Variants in EPHA4 observed in about 807,000 individuals in gnomAD.
EPHA4 encodes the protein ephrin type-A receptor 4.
In EPHA4, 19 loss-of-function variants were observed where a neutral mutation model predicts 108.3. The observed-to-expected ratio is 0.18, with a 90% CI of 0.12 to 0.26. The LOEUF (loss-of-function observed/expected upper bound fraction) is 0.26. Ranked by LOEUF, EPHA4 falls within the 10% of genes least tolerant of loss-of-function variation. The pLI is 1.00. For missense variants in EPHA4, 917 were observed against 1,254.0 expected (o/e 0.73, Z 4.06); for synonymous variants, 449 against 455.5 (o/e 0.99, Z 0.18).
intron 3 of EPHA4, among the ~76,000 whole-genome samples, chr2:221,551,690 G>A (rs1031669102): frequency 1.1e-4 from 17 of 152,222 alleles, no homozygotes; most frequent in Admixed American, 8.5e-4. Flanking sequence ...GCTTATTTTA[G>A]TTAAGTACAC....
intron 3 of EPHA4, among the ~76,000 whole-genome samples, chr2:221,537,775 G>A (rs1693712754): frequency 6.6e-6 from 1 of 152,148 alleles, no homozygotes; most frequent in South Asian, 2.1e-4. Context: ...AGGCAATAGA[G>A]TGAGATTCCA....
intron 3 of EPHA4, among the ~76,000 whole-genome samples, chr2:221,544,868 C>T (rs547226330): frequency 3.0e-4 from 45 of 152,254 alleles, no homozygotes; most frequent in African/African-American, 1.0e-3. Context: ...CTCGACTCTA[C>T]CCTAAAGAAA....
chr2:221,442,681 C>A, intron 11 of EPHA4, 148 bp downstream of exon 11: 2 of 765,944 alleles, frequency 2.6e-6, no homozygotes, highest in South Asian at 3.9e-5. Context: ...TTAGAGCTGA[C>A]TACAAGATTA....
At chr2:221,489,791 AAATG>A (rs1692085351) in intron 4 of EPHA4, among the ~76,000 whole-genome samples, 2 of 152,200 alleles carry the variant, frequency 1.3e-5, no homozygotes, top group East Asian at 3.8e-4. Flanking sequence ...CTAAATGAAC[AAATG>A]AATGAATGAT....
At chr2:221,552,811 T>C (rs1694201224) in intron 3 of EPHA4, among the ~76,000 whole-genome samples, 1 of 152,198 alleles carries the variant, frequency 6.6e-6, no homozygotes, top group Admixed American at 6.5e-5. Flanking sequence ...TGATCGAGTA[T>C]TTTAAATGTC....
At chr2:221,529,185 A>G (rs1169347952) in intron 3 of EPHA4, among the ~76,000 whole-genome samples, 2 of 152,178 alleles carry the variant, frequency 1.3e-5, no homozygotes, top group Non-Finnish European at 2.9e-5. Flanking sequence ...GCTTGACATC[A>G]GAAAAAAAAA....
intron 4 of EPHA4, among the ~76,000 whole-genome samples, chr2:221,495,376 G>A (rs1226171655): frequency 6.6e-6 from 1 of 152,198 alleles, no homozygotes; most frequent in African/African-American, 2.4e-5. Context: ...AATCCTTGCT[G>A]CCTAAAGACG....
Position 221,457,883 on chromosome 2 carries a change from C to T in EPHA4, c.1426G>A (p.Val476Ile). The part of the protein sequence containing the change: ...RPNGVILEYE[V>I]KYYEKDQNER... The stretch of plus-strand genomic sequence containing the variant: ...AGTAATACCTTCTCATAATACTTGA[C>T]TTCATATTCCAGGATTACCCCATTG... Residue 476 changes from valine to isoleucine, a missense_variant, in exon 6 of 18, where the codon GTC becomes ATC. Val to Ile is a conservative substitution (Grantham distance 29). Transcript: ENST00000281821. The T allele has an allele frequency of 6.2e-7, 1 of 1,613,610 alleles. No homozygotes were observed. The highest frequency in any genetic ancestry group is 8.5e-7 in the Non-Finnish European group (1 of 1,179,686).
chr2:221,498,017 T>C (rs895912354), intron 4 of EPHA4, among the ~76,000 whole-genome samples: 1 of 152,142 alleles, frequency 6.6e-6, no homozygotes, highest in African/African-American at 2.4e-5. Context: ...AAAATACAAT[T>C]CCAAGGGCTC....
intron 3 of EPHA4, among the ~76,000 whole-genome samples, chr2:221,557,303 A>C (rs181631014): frequency 6.6e-6 from 1 of 151,642 alleles, no homozygotes; most frequent in East Asian, 1.9e-4. Flanking sequence ...CAAACAAAAA[A>C]CTCTCTACTC....
In EPHA4 at chr2:221,482,629, T is replaced by C. The variant is rs772286507; in HGVS notation, c.1041A>G (p.Glu347=). 6.2e-7 allele frequency: 1 copy of C among 1,609,744 alleles called. No individual in the cohort carries two copies. Among genetic ancestry groups the C allele is most frequent in the South Asian group, 1.1e-5 (1 of 91,038 alleles). The change falls in exon 5 of 18, where the codon GAA becomes GAG. Residue 347 remains glutamate (E), a synonymous_variant. Transcript: ENST00000281821. ...CACCTGTATTCTGAGGGCTACTCCA[T>C]TCCAAGTTCACAGATGTCTCGTTGA... ...SNVNETSVNL[E]WSSPQNTGGR... is the part of the protein sequence containing the mutation.
intron 4 of EPHA4, among the ~76,000 whole-genome samples, chr2:221,497,552 G>A (rs1206652740): frequency 2.0e-4 from 30 of 152,128 alleles, no homozygotes; most frequent in Non-Finnish European, 1.6e-4. Flanking sequence ...CAGTCTGGCC[G>A]ATAGGGTGAA....
intron 11 of EPHA4, among the ~76,000 whole-genome samples, chr2:221,439,436 C>T (rs146848951): frequency 4.4e-4 from 67 of 151,126 alleles, no homozygotes; most frequent in African/African-American, 1.6e-3. Context: ...GCGGAGGTTA[C>T]AGTGAGCCAA....
At position 221,483,741 on chromosome 2, in the gene EPHA4, C is replaced by T. The variant is rs13429755; in HGVS notation, c.980-1051G>A. 2.9e-3 allele frequency among the ~76,000 whole-genome samples: 447 copies of T among 152,160 alleles called. 3 individuals carry two copies. The highest frequency in any genetic ancestry group is 0.01 in the African/African-American group (432 of 41,508). ...TCTTGAACTCCTGATTTCAAGTGAT[C>T]GGCCTACCTTGGCCTCCCAAAGTGC... On this transcript the variant is annotated intron_variant, in intron 4 of 17. Transcript: ENST00000281821.
At chr2:221,486,060 A>T (rs1303566711) in intron 4 of EPHA4, among the ~76,000 whole-genome samples, 5 of 152,186 alleles carry the variant, frequency 3.3e-5, no homozygotes, top group Non-Finnish European at 7.3e-5. Flanking sequence ...TTTCTGACAG[A>T]GTGATTGCCT....
At chr2:221,421,337 TAAG>T (rs1689756789) in intron 17 of EPHA4, among the ~76,000 whole-genome samples, 1 of 151,686 alleles carries the variant, frequency 6.6e-6, no homozygotes, top group Non-Finnish European at 1.5e-5. Flanking sequence ...AAATGCAAAC[TAAG>T]AAGTGAAAAA....
chr2:221,481,889 C>T (rs547013318), intron 5 of EPHA4, among the ~76,000 whole-genome samples: 2 of 152,076 alleles, frequency 1.3e-5, no homozygotes, highest in Non-Finnish European at 2.9e-5. Context: ...TATAATTGTA[C>T]ATAATCTATA....
chr2:221,443,684 T>G, intron 9 of EPHA4, 78 bp from the exon 10 acceptor site: 1 of 1,045,042 alleles, frequency 9.6e-7, no homozygotes, highest in Non-Finnish European at 1.5e-6. Flanking sequence ...GGTCTAAAAT[T>G]ACCAAACATA....
At chr2:221,494,906 G>A (rs951048373) in intron 4 of EPHA4, among the ~76,000 whole-genome samples, 1 of 143,896 alleles carries the variant, frequency 6.9e-6, no homozygotes, top group African/African-American at 2.6e-5. Flanking sequence ...CAAAATCCCT[G>A]TTAAGAAAAG....
Sources: gnomAD v4.1 joint callset for allele counts (sites outside exome capture counted in the v4.1 genomes callset) on GRCh38, gnomAD v4.1.1 for gene constraint, MANE v1.5 for transcripts, NCBI Gene and HGNC (gene_info 2026-07-23, HGNC 2026-07-21) for gene names.